ZNF385B: variants seen among roughly 807,000 people sequenced by gnomAD.
The protein encoded by ZNF385B is zinc finger protein 533.
A neutral mutation model predicts 39.2 loss-of-function variants in ZNF385B; 23 were observed. That is an observed-to-expected ratio of 0.59 (90% CI 0.42 to 0.83). The LOEUF (loss-of-function observed/expected upper bound fraction) is 0.83. Among genes scored for constraint, ZNF385B ranks in the 40% least tolerant of loss-of-function variants. The pLI is 0.00. For missense variants in ZNF385B, 552 were observed against 598.9 expected (o/e 0.92, Z 0.82); for synonymous variants, 205 against 222.6 (o/e 0.92, Z 0.70).
At chr2:179,821,327 C>T (rs952629229) in intron 1 of ZNF385B, among the ~76,000 whole-genome samples, 23 of 152,196 alleles carry the variant, frequency 1.5e-4, no homozygotes, top group African/African-American at 5.3e-4. Flanking sequence ...ATCAGAAATG[C>T]TCATATTACC....
At chr2:179,520,171 T>TA (rs556188200) in intron 4 of ZNF385B, among the ~76,000 whole-genome samples, 61 of 145,836 alleles carry the variant, frequency 4.2e-4, no homozygotes, top group African/African-American at 7.5e-4. Flanking sequence ...GTCTCCATCT[T>TA]AAAAAAAAAA....
chr2:179,794,658 G>A (rs1299472006), intron 1 of ZNF385B, among the ~76,000 whole-genome samples: 3 of 152,206 alleles, frequency 2.0e-5, no homozygotes, highest in Middle Eastern at 3.4e-3. Flanking sequence ...CATAAGATAC[G>A]GTCTTGAGAA....
At chr2:179,736,922 A>G (rs531084671) in intron 3 of ZNF385B, among the ~76,000 whole-genome samples, 2 of 152,322 alleles carry the variant, frequency 1.3e-5, no homozygotes, top group African/African-American at 2.4e-5. Context: ...GTGAGCAGAG[A>G]TCATGCCACT....
chr2:179,627,502 T>C (rs1402551842), intron 3 of ZNF385B, among the ~76,000 whole-genome samples: 1 of 152,320 alleles, frequency 6.6e-6, no homozygotes, highest in Non-Finnish European at 1.5e-5. Context: ...GGGTTCACTT[T>C]AGAGCTGGGA....
chr2:179,621,233 C>T (rs559547060), intron 3 of ZNF385B, among the ~76,000 whole-genome samples: 9 of 152,116 alleles, frequency 5.9e-5, no homozygotes, highest in African/African-American at 2.2e-4. Context: ...CAAAGGCATA[C>T]TGGATAATTT....
intron 4 of ZNF385B, among the ~76,000 whole-genome samples, chr2:179,524,829 T>G (rs1172190356): frequency 6.6e-6 from 1 of 152,106 alleles, no homozygotes. Flanking sequence ...ACCCATACTT[T>G]GGGTTTTTTT....
chr2:179,559,283 A>G (rs142317099), intron 3 of ZNF385B, among the ~76,000 whole-genome samples: 1 of 152,082 alleles, frequency 6.6e-6, no homozygotes, highest in Non-Finnish European at 1.5e-5. Flanking sequence ...CCTGAGAAAC[A>G]TGGAGTGTTC....
chr2:179,542,578 C>A (rs562199581), intron 4 of ZNF385B, among the ~76,000 whole-genome samples: 1 of 152,074 alleles, frequency 6.6e-6, no homozygotes, highest in Non-Finnish European at 1.5e-5. Flanking sequence ...TGCATCTGTA[C>A]CCTCTATGCA....
chr2:179,715,558 C>T (rs975226074), intron 3 of ZNF385B, among the ~76,000 whole-genome samples: 8 of 151,962 alleles, frequency 5.3e-5, no homozygotes, highest in Admixed American at 1.3e-4. Context: ...TCCCATACCT[C>T]GATATTTATA....
intron 3 of ZNF385B, among the ~76,000 whole-genome samples, chr2:179,606,984 G>T (rs1490199648): frequency 6.6e-6 from 1 of 152,064 alleles, no homozygotes. Context: ...GGGATCTGTG[G>T]CTTCTCCTTT....
intron 1 of ZNF385B, among the ~76,000 whole-genome samples, chr2:179,800,367 C>T (rs1400478270): frequency 6.6e-6 from 1 of 151,934 alleles, no homozygotes; most frequent in African/African-American, 2.4e-5. Context: ...TTTTTGGACA[C>T]TACAAATCAT....
At chr2:179,691,512 C>A (rs770920683) in intron 3 of ZNF385B, among the ~76,000 whole-genome samples, 36 of 152,132 alleles carry the variant, frequency 2.4e-4, no homozygotes, top group Non-Finnish European at 5.9e-5. Flanking sequence ...ACTGGAGAAA[C>A]TCCGAGGAAC....
chr2:179,797,220 T>C (rs957565744), intron 1 of ZNF385B, among the ~76,000 whole-genome samples: 4 of 152,146 alleles, frequency 2.6e-5, no homozygotes, highest in African/African-American at 9.7e-5. Context: ...GTAGTAAAAA[T>C]AGTATAGTTC....
At position 179,443,141 on chromosome 2, in the gene ZNF385B, TTG is replaced by T; in HGVS notation, c.*107_*108del. On this transcript the variant is annotated 3_prime_UTR_variant, in exon 10 of 10. Transcript: ENST00000410066. ...GGGGGACTGGGTGGTGGGCTGCATTTTGTGGGTGAATGGGGGGTACTGCAACA... is the reference window on the plus strand; with the variant it reads ...GGGGGACTGGGTGGTGGGCTGCATTTTGGGTGAATGGGGGGTACTGCAACA... The T allele has an allele frequency of 1.7e-6, 2 of 1,170,068 alleles. No homozygotes were observed. Among genetic ancestry groups the T allele is most frequent in the Non-Finnish European group, 2.4e-6 (2 of 830,542 alleles). 72.5% of individuals were successfully genotyped at this position (1,170,068 alleles called of 1,614,324 possible).
At chr2:179,697,318 T>C (rs1226278255) in intron 3 of ZNF385B, among the ~76,000 whole-genome samples, 2 of 152,156 alleles carry the variant, frequency 1.3e-5, no homozygotes, top group Non-Finnish European at 2.9e-5. Flanking sequence ...ATGCGGGCTG[T>C]CTCCCCACTG....
chr2:179,749,029 A>G (rs771375823), intron 3 of ZNF385B, among the ~76,000 whole-genome samples: 6 of 152,096 alleles, frequency 3.9e-5, no homozygotes, highest in African/African-American at 1.4e-4. Context: ...AGGAAACTGC[A>G]TTTATTTTTT....
chr2:179,474,438 T>C (rs2053190553), intron 6 of ZNF385B, among the ~76,000 whole-genome samples: 1 of 152,192 alleles, frequency 6.6e-6, no homozygotes, highest in African/African-American at 2.4e-5. Context: ...TTACTTTTAA[T>C]GGCAAAAACC....
At chr2:179,729,611 C>T (rs1342034554) in intron 3 of ZNF385B, among the ~76,000 whole-genome samples, 3 of 152,078 alleles carry the variant, frequency 2.0e-5, no homozygotes, top group Non-Finnish European at 4.4e-5. Context: ...GTAAATATTC[C>T]AAGGGTCACA....
intron 3 of ZNF385B, among the ~76,000 whole-genome samples, chr2:179,612,212 T>C (rs1689346551): frequency 6.6e-6 from 1 of 152,228 alleles, no homozygotes; most frequent in African/African-American, 2.4e-5. Context: ...CTCTCCAGGA[T>C]TGGTCCTTGA....
Sources: gnomAD v4.1 joint callset for allele counts (sites outside exome capture counted in the v4.1 genomes callset) on GRCh38, gnomAD v4.1.1 for gene constraint, MANE v1.5 for transcripts, NCBI Gene and HGNC (gene_info 2026-07-23, HGNC 2026-07-21) for gene names.